CACNG4: variants seen among roughly 807,000 people sequenced by gnomAD.
CACNG4 encodes voltage-dependent calcium channel gamma-4 subunit.
In CACNG4, 8 loss-of-function variants were observed where a neutral mutation model predicts 22.9. That is an observed-to-expected ratio of 0.35 (90% CI 0.21 to 0.63). The LOEUF (loss-of-function observed/expected upper bound fraction) is 0.63. CACNG4 is among the 30% of genes least tolerant of loss of function. The pLI is 0.72. For missense variants in CACNG4, 357 were observed against 455.4 expected (o/e 0.78, Z 1.97); for synonymous variants, 188 against 191.9 (o/e 0.98, Z 0.17).
At chr17:66,973,623 C>T (rs1034215032) in intron 1 of CACNG4, among the ~76,000 whole-genome samples, 1 of 152,184 alleles carries the variant, frequency 6.6e-6, no homozygotes, top group African/African-American at 2.4e-5. Context: ...TGCAGAACAG[C>T]GATGGAAACT....
At chr17:67,017,328 C>T (rs180717342) in intron 1 of CACNG4, among the ~76,000 whole-genome samples, 5 of 152,266 alleles carry the variant, frequency 3.3e-5, no homozygotes, top group Non-Finnish European at 5.9e-5. Context: ...CCGCCCTCCT[C>T]AGCCTCCCAA....
chr17:66,997,054 C>G (rs2035379842), intron 1 of CACNG4, among the ~76,000 whole-genome samples: 1 of 152,134 alleles, frequency 6.6e-6, no homozygotes, highest in Non-Finnish European at 1.5e-5. Flanking sequence ...CAGCAGGAAC[C>G]AGCTGTGATG....
chr17:66,966,635 T>C (rs1446086162), intron 1 of CACNG4, among the ~76,000 whole-genome samples: 1 of 152,120 alleles, frequency 6.6e-6, no homozygotes, highest in Non-Finnish European at 1.5e-5. Context: ...CTTGTTCTCA[T>C]CTCATCGGGG....
chr17:67,011,559 G>C (rs747413516), intron 1 of CACNG4, among the ~76,000 whole-genome samples: 1 of 152,148 alleles, frequency 6.6e-6, no homozygotes, highest in Non-Finnish European at 1.5e-5. Flanking sequence ...CCAGGACTCC[G>C]TCTTACTCAG....
chr17:67,018,067 T>G (rs1031894127), intron 1 of CACNG4, 122 bp from the exon 2 acceptor site: 1 of 719,612 alleles, frequency 1.4e-6, no homozygotes, highest in Non-Finnish European at 2.4e-6. Flanking sequence ...AGCCTGCCTT[T>G]CTTCTCTGTC....
In CACNG4 at chr17:67,008,547, C is replaced by T. The variant is rs145166309; in HGVS notation, c.221-9642C>T. Among the ~76,000 whole-genome samples, 342 of 152,240 alleles carry T rather than the reference C, an allele frequency of 2.2e-3. 7 individuals carry two copies. The highest frequency in any genetic ancestry group is 0.016 in the Admixed American group (243 of 15,282). The stretch of plus-strand genomic sequence containing the variant: ...TGGAGCACTGGCTGGTGGGCCTGAC[C>T]GGTGCCTCTGCTCCAAATCCTGGGT... On this transcript the variant is annotated intron_variant, in intron 1 of 3. Coordinates refer to ENST00000262138, the MANE Select transcript of CACNG4 (RefSeq NM_014405.4).
chr17:66,990,805 T>C lies in CACNG4; in HGVS notation c.220+25674T>C, dbSNP rs58059261. Among the ~76,000 whole-genome samples the C allele has an allele frequency of 6.6e-3, 1,000 of 152,054 alleles. 6 individuals are homozygous for C. The highest frequency in any genetic ancestry group is 0.023 in the African/African-American group (948 of 41,502). On this transcript the variant is annotated intron_variant, in intron 1 of 3. Transcript: ENST00000262138. ...ACACCATTCACCTGCCTCAGCCTCC[T>C]GAGTAGCTGGGACTACAGGCGCCCG... is the stretch of plus-strand genomic sequence containing the variant.
chr17:66,981,583 G>T (rs1197777931), intron 1 of CACNG4, among the ~76,000 whole-genome samples: 2 of 152,230 alleles, frequency 1.3e-5, no homozygotes, highest in Non-Finnish European at 2.9e-5. Context: ...GGGGCCGAGA[G>T]AACCACAGGA....
At chr17:67,018,454 A>T (rs1300265567) in intron 2 of CACNG4, among the ~76,000 whole-genome samples, 182 bp downstream of exon 2, 1 of 152,206 alleles carries the variant, frequency 6.6e-6, no homozygotes, top group African/African-American at 2.4e-5. Context: ...CACTGCCATG[A>T]CATACTGGGT....
chr17:67,028,887 G>T (rs1598127979), intron 3 of CACNG4, among the ~76,000 whole-genome samples: 2 of 152,228 alleles, frequency 1.3e-5, no homozygotes, highest in East Asian at 1.9e-4. Flanking sequence ...TATTGGCAAA[G>T]AACCAGAAGT....
intron 1 of CACNG4, among the ~76,000 whole-genome samples, chr17:66,980,617 A>ATTTT (rs1173198753): frequency 8.6e-6 from 1 of 116,086 alleles, no homozygotes; most frequent in Admixed American, 8.5e-5. Context: ...CTTTGTGTAA[A>ATTTT]TTCTTTTTTT....
intron 1 of CACNG4, among the ~76,000 whole-genome samples, chr17:66,970,445 C>T (rs920285903): frequency 1.4e-4 from 21 of 152,322 alleles, no homozygotes; most frequent in African/African-American, 5.1e-4. Context: ...TGAGGTCCCT[C>T]TTCCTGGCTT....
intron 1 of CACNG4, among the ~76,000 whole-genome samples, chr17:67,000,643 A>G (rs2035402611): frequency 6.6e-6 from 1 of 152,168 alleles, no homozygotes; most frequent in Admixed American, 6.5e-5. Flanking sequence ...CCAGTGGCCA[A>G]GGTCCCTAGG....
At chr17:67,026,447 T>C (rs1280822053) in intron 3 of CACNG4, among the ~76,000 whole-genome samples, 2 of 149,288 alleles carry the variant, frequency 1.3e-5, no homozygotes, top group Non-Finnish European at 3.0e-5. Flanking sequence ...TTGAGGAATG[T>C]GGTGTATGTG....
chr17:66,973,912 GAC>G, intron 1 of CACNG4, among the ~76,000 whole-genome samples: 1 of 152,208 alleles, frequency 6.6e-6, no homozygotes. Context: ...TGCTGCGCGA[GAC>G]TCTCTTTTCT....
At chr17:67,020,692 G>A (rs888740045) in intron 2 of CACNG4, among the ~76,000 whole-genome samples, 8 of 152,172 alleles carry the variant, frequency 5.3e-5, no homozygotes, top group Admixed American at 1.3e-4. Context: ...GCTTGAAGCC[G>A]GAGGGGCTGA....
intron 1 of CACNG4, among the ~76,000 whole-genome samples, chr17:66,987,179 A>C (rs1335036268): frequency 1.3e-5 from 2 of 152,224 alleles, no homozygotes; most frequent in Non-Finnish European, 2.9e-5. Flanking sequence ...AAGATTAGGT[A>C]ACTTGCCTGA....
chr17:66,984,557 G>A lies in CACNG4; in HGVS notation c.220+19426G>A, dbSNP rs967550881. Among the ~76,000 whole-genome samples, 1 of 152,126 alleles carries A rather than the reference G, an allele frequency of 6.6e-6. No homozygotes were observed. Among genetic ancestry groups the A allele is most frequent in the African/African-American group, 2.4e-5 (1 of 41,406 alleles). ...GCCCTGTGCTATGTTCTGGGGACTC[G>A]TTCATTCATTCATTCAGCACTTATT... On this transcript the variant is annotated intron_variant, in intron 1 of 3. Coordinates refer to ENST00000262138, the MANE Select transcript of CACNG4 (RefSeq NM_014405.4). This position sits in a 1 kb window ranked among gnomAD's most constrained non-coding sequence, Gnocchi z 4.0.
chr17:67,023,270 C>T (rs1303366157), intron 2 of CACNG4, among the ~76,000 whole-genome samples: 3 of 79,782 alleles, frequency 3.8e-5, no homozygotes, highest in Non-Finnish European at 6.7e-5. Context: ...AAGACCTCTT[C>T]TTTTTTTTTT....
Sources: gnomAD v4.1 joint callset for allele counts (sites outside exome capture counted in the v4.1 genomes callset) on GRCh38, gnomAD v4.1.1 for gene constraint, Gnocchi (gnomAD v3.1) non-coding constraint, MANE v1.5 for transcripts, NCBI Gene and HGNC (gene_info 2026-07-23, HGNC 2026-07-21) for gene names.